Variants in NKAIN2 observed in about 807,000 individuals in gnomAD.
NKAIN2 encodes the protein sodium/potassium transporting ATPase interacting 2.
A neutral mutation model predicts 32.6 loss-of-function variants in NKAIN2; 14 were observed. The observed-to-expected ratio is 0.43, with a 90% CI of 0.28 to 0.67. The LOEUF (loss-of-function observed/expected upper bound fraction) is 0.67. Ranked by LOEUF, NKAIN2 falls within the 30% of genes least tolerant of loss-of-function variation. The pLI is 0.17. For synonymous variants in NKAIN2, 80 were observed against 87.2 expected (o/e 0.92, Z 0.46); for missense variants, 198 against 258.3 (o/e 0.77, Z 1.60).
intron 3 of NKAIN2, among the ~76,000 whole-genome samples, chr6:124,422,232 T>C (rs1425503061): frequency 6.6e-6 from 1 of 152,176 alleles, no homozygotes; most frequent in Non-Finnish European, 1.5e-5. Flanking sequence ...TAATGGCAAC[T>C]GAATTAGACA....
At chr6:124,104,348 G>T (rs546528338) in intron 1 of NKAIN2, among the ~76,000 whole-genome samples, 1 of 152,242 alleles carries the variant, frequency 6.6e-6, no homozygotes, top group Non-Finnish European at 1.5e-5. Context: ...TGTTTGTGTT[G>T]CTGAGGTGGT....
At chr6:124,430,822 T>A (rs537091024) in intron 3 of NKAIN2, among the ~76,000 whole-genome samples, 1 of 152,248 alleles carries the variant, frequency 6.6e-6, no homozygotes, top group Admixed American at 6.5e-5. Context: ...GTGGACCTTT[T>A]AAAACCATCA....
At chr6:124,604,529 C>T (rs990448094) in intron 3 of NKAIN2, among the ~76,000 whole-genome samples, 1 of 151,772 alleles carries the variant, frequency 6.6e-6, no homozygotes, top group Non-Finnish European at 1.5e-5. Context: ...CTCACCTCAT[C>T]AGAATAGATG....
chr6:124,758,735 A>G (rs1436776194), intron 4 of NKAIN2, among the ~76,000 whole-genome samples: 1 of 152,154 alleles, frequency 6.6e-6, no homozygotes, highest in Non-Finnish European at 1.5e-5. Flanking sequence ...AAAACATTCA[A>G]TGGTTCCTCA....
intron 3 of NKAIN2, among the ~76,000 whole-genome samples, chr6:124,439,889 G>T: frequency 6.6e-6 from 1 of 151,904 alleles, no homozygotes; most frequent in African/African-American, 2.4e-5. Flanking sequence ...ATCTCAGATA[G>T]GGGTCTCCAG....
rs1242079333 is a variant in NKAIN2 at position 124,809,951 on chromosome 6, T to G, written c.536-8436T>G. ...ACAATGAGATATCATCTCACACCAG[T>G]TAGAATGGCAATCATTAAAAAGTCA... On this transcript the variant is annotated intron_variant, in intron 5 of 6. Transcript: ENST00000368417. Among the ~76,000 whole-genome samples the G allele has an allele frequency of 3.9e-5, 6 of 152,242 alleles. No homozygotes were observed. The South Asian group carries it at 6.2e-4, about 16-fold the overall frequency.
intron 5 of NKAIN2, among the ~76,000 whole-genome samples, chr6:124,808,826 T>A (rs56314136): frequency 2.2e-4 from 34 of 152,162 alleles, no homozygotes; most frequent in Non-Finnish European, 4.4e-4. Flanking sequence ...CAAGCATTCT[T>A]ATACACCAAT....
At chr6:124,080,167 C>T (rs902381200) in intron 1 of NKAIN2, among the ~76,000 whole-genome samples, 2 of 152,104 alleles carry the variant, frequency 1.3e-5, no homozygotes, top group East Asian at 1.9e-4. Context: ...CACTGGGCGT[C>T]TTGTCTGAGT....
At chr6:124,370,812 G>A (rs1799727147) in intron 3 of NKAIN2, among the ~76,000 whole-genome samples, 1 of 152,076 alleles carries the variant, frequency 6.6e-6, no homozygotes, top group East Asian at 1.9e-4. Flanking sequence ...TGCTTCTGAA[G>A]AGATCTGTAG....
chr6:123,846,275 A>G (rs958926267), intron 1 of NKAIN2, among the ~76,000 whole-genome samples: 1 of 152,120 alleles, frequency 6.6e-6, no homozygotes, highest in Admixed American at 6.5e-5. Context: ...TTACTTATTT[A>G]GTTAAGTCCT....
At chr6:124,754,201 A>T (rs930186292) in intron 4 of NKAIN2, among the ~76,000 whole-genome samples, 50 of 152,094 alleles carry the variant, frequency 3.3e-4, no homozygotes, top group Admixed American at 1.6e-3. Context: ...ATTTGCAATG[A>T]CTTCAGCTGG....
At chr6:124,371,954 A>G (rs544807911) in intron 3 of NKAIN2, among the ~76,000 whole-genome samples, 1 of 152,140 alleles carries the variant, frequency 6.6e-6, no homozygotes, top group East Asian at 1.9e-4. Context: ...GGAAAACATT[A>G]TCAAACAGTC....
At chr6:124,674,834 A>G (rs1773278003) in intron 4 of NKAIN2, among the ~76,000 whole-genome samples, 1 of 151,832 alleles carries the variant, frequency 6.6e-6, no homozygotes, top group Admixed American at 6.6e-5. Flanking sequence ...TCTGATTTGG[A>G]TACCTTTTAT....
At chr6:124,411,106 G>A (rs1309618127) in intron 3 of NKAIN2, among the ~76,000 whole-genome samples, 3 of 151,782 alleles carry the variant, frequency 2.0e-5, no homozygotes, top group Admixed American at 2.0e-4. Flanking sequence ...CCTGAATACA[G>A]CACACTGATG....
chr6:124,268,561 A>G (rs1794608362), intron 1 of NKAIN2, among the ~76,000 whole-genome samples: 1 of 152,098 alleles, frequency 6.6e-6, no homozygotes, highest in Admixed American at 6.6e-5. Flanking sequence ...ACATATTTTT[A>G]TTAGCTGGTA....
Position 124,324,447 on chromosome 6 carries a change from T to C in NKAIN2, c.193-30820T>C, listed in dbSNP as rs916659058. Among the ~76,000 whole-genome samples, 24 of 152,308 alleles carry C rather than the reference T, an allele frequency of 1.6e-4. 1 individual carries two copies. The East Asian group carries it at 4.4e-3, about 28-fold the overall frequency. On this transcript the variant is annotated intron_variant, in intron 2 of 6. Coordinates refer to ENST00000368417, the MANE Select transcript of NKAIN2 (RefSeq NM_001040214.3). ...TAAAATATAATGATGTCATAGTCTG[T>C]GATCTTAACTCATTTAATATTTCTA...
intron 1 of NKAIN2, among the ~76,000 whole-genome samples, chr6:124,158,976 G>C (rs1047049014): frequency 1.8e-4 from 28 of 152,258 alleles, no homozygotes; most frequent in African/African-American, 6.0e-4. Context: ...CACCCTCATA[G>C]GATTTTGGTG....
chr6:124,008,780 A>G (rs183467509), intron 1 of NKAIN2, among the ~76,000 whole-genome samples: 12 of 152,326 alleles, frequency 7.9e-5, no homozygotes, highest in Admixed American at 3.9e-4. Context: ...AGGCAACACA[A>G]TAAAACTGAC....
chr6:123,911,652 A>G (rs1775182187), intron 1 of NKAIN2, among the ~76,000 whole-genome samples: 1 of 151,854 alleles, frequency 6.6e-6, no homozygotes, highest in African/African-American at 2.4e-5. Context: ...TATTTTATAT[A>G]CAAATCTGGA....
Sources: gnomAD v4.1 joint callset for allele counts (sites outside exome capture counted in the v4.1 genomes callset) on GRCh38, gnomAD v4.1.1 for gene constraint, MANE v1.5 for transcripts, NCBI Gene and HGNC (gene_info 2026-07-23, HGNC 2026-07-21) for gene names.